Variants in ALMS1 observed in about 807,000 individuals in gnomAD.
The protein encoded by ALMS1 is ALMS1 centrosome and basal body associated protein, also known as centrosome-associated protein ALMS1.
Under a neutral mutation model 352.2 loss-of-function variants are expected in ALMS1, and 271 were observed. The ratio of observed to expected loss-of-function variants is 0.77; its 90% CI spans 0.70 to 0.85. The LOEUF (loss-of-function observed/expected upper bound fraction) is 0.85. Ranked by LOEUF, ALMS1 falls within the 40% of genes least tolerant of loss-of-function variation. The probability of loss-of-function intolerance (pLI) is 0.00; values close to 1 mark genes in which losing one functional copy is unlikely to be tolerated. For missense variants in ALMS1, 5,445 were observed against 4,870.7 expected (o/e 1.12, Z -3.51); for synonymous variants, 1,865 against 1,761.2 (o/e 1.06, Z -1.48).
At chr2:73,440,811 T>C (rs1451264499) in intron 7 of ALMS1, among the ~76,000 whole-genome samples, 1 of 152,250 alleles carries the variant, frequency 6.6e-6, no homozygotes, top group African/African-American at 2.4e-5. Flanking sequence ...TTGGATATTA[T>C]GTTAGGAGAC....
Position 73,439,517 on chromosome 2 carries a change from G to A in ALMS1, c.1432+7226G>A, listed in dbSNP as rs7585004. Reference sequence around the variant, plus strand: ...AATTGGGTCATTTAAAAAAAATCCTGTCTGCTAATATCTGTATTTTAGTTT... The same window carrying A: ...AATTGGGTCATTTAAAAAAAATCCTATCTGCTAATATCTGTATTTTAGTTT... On this transcript the variant is annotated intron_variant, in intron 7 of 22. Coordinates refer to ENST00000613296, the MANE Select transcript of ALMS1 (RefSeq NM_001378454.1). 9.9e-5 allele frequency among the ~76,000 whole-genome samples: 15 copies of A among 151,998 alleles called. No individual in the cohort carries two copies. In the East Asian group the frequency reaches 2.9e-3, roughly 29 times the overall value.
At chr2:73,566,291 C>T (rs1674799190) in intron 15 of ALMS1, among the ~76,000 whole-genome samples, 1 of 152,184 alleles carries the variant, frequency 6.6e-6, no homozygotes, top group African/African-American at 2.4e-5. Flanking sequence ...GGCGTTACTG[C>T]TCTTGCACTT....
chr2:73,391,170 C>A (rs1157293192), intron 1 of ALMS1, among the ~76,000 whole-genome samples: 1 of 152,056 alleles, frequency 6.6e-6, no homozygotes, highest in Non-Finnish European at 1.5e-5. Context: ...AACATCCCCC[C>A]ATAAGCAGGT....
intron 16 of ALMS1, among the ~76,000 whole-genome samples, chr2:73,594,969 T>TA (rs774990485): frequency 2.6e-5 from 4 of 152,224 alleles, no homozygotes; most frequent in Non-Finnish European, 5.9e-5. Flanking sequence ...CAACACAACT[T>TA]ACCACCTTCC....
chr2:73,412,063 T>A (rs1006646561), intron 2 of ALMS1, among the ~76,000 whole-genome samples: 1 of 152,242 alleles, frequency 6.6e-6, no homozygotes, highest in East Asian at 1.9e-4. Flanking sequence ...TGCTCATTTT[T>A]AAAAAGTCAG....
intron 9 of ALMS1, among the ~76,000 whole-genome samples, chr2:73,463,299 A>C (rs1371095901): frequency 1.3e-5 from 2 of 152,170 alleles, no homozygotes; most frequent in Admixed American, 1.3e-4. Context: ...TCAGAATCTC[A>C]CTCAAAACCG....
intron 12 of ALMS1, among the ~76,000 whole-genome samples, chr2:73,535,560 A>G (rs940568730): frequency 1.9e-4 from 29 of 152,228 alleles, no homozygotes; most frequent in Non-Finnish European, 3.2e-4. Context: ...CATTGAAAAG[A>G]ACATAGCACT....
intron 13 of ALMS1, among the ~76,000 whole-genome samples, chr2:73,556,454 A>C (rs1256918746): frequency 6.6e-6 from 1 of 152,180 alleles, no homozygotes; most frequent in African/African-American, 2.4e-5. Context: ...AACTGCATGA[A>C]ATTTTTAAAA....
Position 73,448,881 on chromosome 2 carries a change from A to C in ALMS1, c.2354A>C (p.Glu785Ala). The change falls in exon 8 of 23, where the codon GAA becomes GCA. Residue 785 changes from glutamate to alanine, a missense_variant. Glu to Ala is a moderately radical substitution (Grantham distance 107, BLOSUM62 -1). Transcript: ENST00000613296. ...GACTTAGCAGACAGTCATCTACCTG[A>C]AGAGGGTCTGAAAGTTTCAGCTGTT... ...PQDLADSHLPEEGLKVSAVAG... is the reference protein window; with the variant it reads ...PQDLADSHLPAEGLKVSAVAG... 1.2e-6 allele frequency: 2 copies of C among 1,614,034 alleles called. No homozygotes were observed. Among genetic ancestry groups the C allele is most frequent in the Non-Finnish European group, 1.7e-6 (2 of 1,179,988 alleles).
Position 73,609,736 on chromosome 2 carries a change from T to C in ALMS1, c.*124T>C. 1 of 995,386 alleles carries C rather than the reference T, an allele frequency of 1.0e-6. No individual in the cohort carries two copies. The highest frequency in any genetic ancestry group is 1.6e-6 in the Non-Finnish European group (1 of 636,588). 61.7% of individuals were successfully genotyped at this position (995,386 alleles called of 1,614,324 possible). ...TTGTCCATGTGTATTTTAGAAATAGTAACTTCTAAAGAGTCTGGAACAAAG... is the reference window on the plus strand; with the variant it reads ...TTGTCCATGTGTATTTTAGAAATAGCAACTTCTAAAGAGTCTGGAACAAAG... On this transcript the variant is annotated 3_prime_UTR_variant, in exon 23 of 23. Transcript: ENST00000613296.
chr2:73,442,736 C>T (rs376431631), intron 7 of ALMS1, among the ~76,000 whole-genome samples: 49 of 152,264 alleles, frequency 3.2e-4, no homozygotes, highest in African/African-American at 1.1e-3. Context: ...ATTTTAACTT[C>T]TTCCTAGGTA....
intron 1 of ALMS1, among the ~76,000 whole-genome samples, chr2:73,402,063 T>C (rs1239531876): frequency 2.6e-5 from 4 of 151,684 alleles, no homozygotes; most frequent in Non-Finnish European, 5.9e-5. Flanking sequence ...TGTGAGTGTA[T>C]GTGTGTGTGT....
chr2:73,454,534 T>A (rs903503071), intron 8 of ALMS1: 7 of 222,264 alleles, frequency 3.1e-5, no homozygotes, highest in Non-Finnish European at 4.5e-5. Context: ...CCTTTTCTAA[T>A]AGAACTCTTG....
At chr2:73,542,165 T>C (rs542599669) in intron 12 of ALMS1, among the ~76,000 whole-genome samples, 6 of 152,262 alleles carry the variant, frequency 3.9e-5, no homozygotes, top group East Asian at 1.9e-4. Flanking sequence ...AAAAGCTTAC[T>C]CACCATGATG....
At chr2:73,487,208 G>A (rs1000840534) in intron 9 of ALMS1, among the ~76,000 whole-genome samples, 16 of 152,274 alleles carry the variant, frequency 1.1e-4, no homozygotes, top group Middle Eastern at 3.4e-3. Context: ...TGCTTGGCTC[G>A]CACTACTATG....
intron 12 of ALMS1, among the ~76,000 whole-genome samples, chr2:73,540,715 G>A (rs184747681): frequency 0.014 from 2,167 of 152,166 alleles, 56 homozygotes; most frequent in African/African-American, 0.049. Flanking sequence ...AAAGGCAGGG[G>A]TTGCAATCCT....
chr2:73,562,537 C>T (rs1486584536), intron 15 of ALMS1, among the ~76,000 whole-genome samples: 1 of 152,014 alleles, frequency 6.6e-6, no homozygotes, highest in Admixed American at 6.6e-5. Flanking sequence ...TATAAATGAG[C>T]AAACTTCACC....
At chr2:73,497,634 G>A (rs1216949569) in intron 10 of ALMS1, among the ~76,000 whole-genome samples, 1 of 152,058 alleles carries the variant, frequency 6.6e-6, no homozygotes, top group African/African-American at 2.4e-5. Flanking sequence ...ATTGTCGTTG[G>A]TTGATGGGCA....
chr2:73,573,255 CT>C lies in ALMS1; in HGVS notation c.11382del (p.Phe3794LeufsTer38), dbSNP rs768759374. 9.3e-6 allele frequency: 15 copies of C among 1,613,846 alleles called. No homozygotes were observed. Among genetic ancestry groups the C allele is most frequent in the Non-Finnish European group, 1.1e-5 (13 of 1,179,790 alleles). On this transcript the variant is annotated frameshift_variant, in exon 16 of 23. Coordinates refer to ENST00000613296, the MANE Select transcript of ALMS1 (RefSeq NM_001378454.1). LOFTEE classifies it high-confidence loss of function. ...ATTGACACTGCCCGGCTGATTCAAG[CT>C]TTTGGCCATGAAAGAGTATGCTTGT... ...STIDTARLIQ[A>X]FGHERVCLSP...
Sources: allele counts gnomAD v4.1 joint callset (sites outside exome capture counted in the v4.1 genomes callset), GRCh38; gene constraint gnomAD v4.1.1; transcripts MANE v1.5; gene names NCBI Gene and HGNC (gene_info 2026-07-23, HGNC 2026-07-21).